Variants in TTN observed in about 807,000 individuals in gnomAD.
TTN encodes the protein connectin.
Under a neutral mutation model 3,223.0 loss-of-function variants are expected in TTN, and 1,525 were observed. The ratio of observed to expected loss-of-function variants is 0.47; its 90% CI spans 0.45 to 0.49. The LOEUF is 0.49. Among genes scored for constraint, TTN ranks in the 20% least tolerant of loss-of-function variants. The probability of loss-of-function intolerance (pLI) is 0.00; values close to 1 mark genes in which losing one functional copy is unlikely to be tolerated. For missense variants in TTN, 40,786 were observed against 43,424.0 expected (o/e 0.94, Z 5.40); for synonymous variants, 14,094 against 15,161.0 (o/e 0.93, Z 5.17).
intron 69 of TTN, chr2:178,726,623 G>A (rs1309366670): frequency 6.5e-6 from 1 of 152,954 alleles, no homozygotes; most frequent in African/African-American, 2.4e-5. Context: ...AGGATAGGAA[G>A]TGATCCTTGA....
At chr2:178,714,250 G>A in intron 91 of TTN, 42 bp downstream of exon 91, 2 of 1,600,498 alleles carry the variant, frequency 1.2e-6, no homozygotes, top group East Asian at 2.2e-5. Context: ...ATCCTGGTGA[G>A]TGTGTGCCTT....
intron 223 of TTN, among the ~76,000 whole-genome samples, chr2:178,638,265 A>G (rs1418663323): frequency 1.4e-4 from 21 of 151,520 alleles, no homozygotes; most frequent in Admixed American, 1.4e-3. Context: ...GTCATTAAAC[A>G]TGGTAATGTC....
At chr2:178,773,797 G>A (rs2091871331) in intron 31 of TTN, 41 bp downstream of exon 31, 1 of 1,613,928 alleles carries the variant, frequency 6.2e-7, no homozygotes, top group South Asian at 1.1e-5. Context: ...TCTTTATGTT[G>A]CTTAATAGTG....
In TTN at chr2:178,751,252, C is replaced by G; in HGVS notation, c.11311+1872G>C. ...AAGACGTATCTAAAAGAGATAATTTCTTTTTCTCCATTAATGTTTTTCTAG... is the reference window on the plus strand; with the variant it reads ...AAGACGTATCTAAAAGAGATAATTTGTTTTTCTCCATTAATGTTTTTCTAG... On this transcript the variant is annotated intron_variant, in intron 47 of 362. Transcript: ENST00000589042. 1 of 1,608,200 alleles carries G rather than the reference C, an allele frequency of 6.2e-7. No homozygotes were observed. The highest frequency in any genetic ancestry group is 8.5e-7 in the Non-Finnish European group (1 of 1,177,954).
In TTN at chr2:178,616,596, A is replaced by G; in HGVS notation, c.48195T>C (p.Gly16065=). 1 of 1,612,296 alleles carries G rather than the reference A, an allele frequency of 6.2e-7. No individual in the cohort carries two copies. The highest frequency in any genetic ancestry group is 8.5e-7 in the Non-Finnish European group (1 of 1,178,990). ...RPSAPKELKF[G]DITKDSVHLT... ...AATGTACTGAGTCCTTGGTTATATC[A>G]CCAAATTTCAATTCTTTGGGTGCAC... Residue 16065 remains glycine (G), a synonymous_variant, in exon 257 of 363, where the codon GGT becomes GGC. Coordinates refer to ENST00000589042, the MANE Select transcript of TTN (RefSeq NM_001267550.2).
Position 178,538,659 on chromosome 2 carries a change from T to G in TTN, c.99170A>C (p.Gln33057Pro), listed in dbSNP as rs1177530238. The G allele has an allele frequency of 1.2e-6, 2 of 1,613,794 alleles. No individual in the cohort carries two copies. The highest frequency in any genetic ancestry group is 1.7e-5 in the Admixed American group (1 of 60,012). ...TTCCAGCAAACCTCCTATTGTGAAT[T>G]GCTTGTCCTTAATACGTTCCTTATT... is the stretch of plus-strand genomic sequence containing the variant. ...KSNKERIKDK[Q>P]FTIGGLLEAT... The change falls in exon 354 of 363, where the codon CAA (glutamine) becomes CCA (proline). Residue 33057 changes from glutamine to proline, a missense_variant. Coordinates refer to ENST00000589042, the MANE Select transcript of TTN (RefSeq NM_001267550.2).
In TTN at chr2:178,621,124, T is replaced by A. The variant is rs368632402; in HGVS notation, c.45594A>T (p.Ala15198=). The part of the protein sequence containing the change: ...TYVVMVGAAR[A]AAHLTVIEKL... ...TACCAATGACTGTCAAGTGAGCTGC[T>A]GCTCTGGCGGCCCCTACCATGACAA... The change falls in exon 246 of 363, where the codon GCA becomes GCT. Residue 15198 remains alanine, a synonymous_variant. Coordinates refer to ENST00000589042, the MANE Select transcript of TTN (RefSeq NM_001267550.2). 34 of 1,612,410 alleles carry A rather than the reference T, an allele frequency of 2.1e-5. No individual in the cohort carries two copies. Among genetic ancestry groups the A allele is most frequent in the Non-Finnish European group, 2.9e-5 (34 of 1,179,258 alleles).
At position 178,685,290 on chromosome 2, in the gene TTN, T is replaced by G; in HGVS notation, c.32433A>C (p.Lys10811Asn). The change falls in exon 129 of 363, where the codon AAA (lysine) becomes AAC (asparagine). Residue 10811 changes from lysine to asparagine, a missense_variant. Coordinates refer to ENST00000589042, the MANE Select transcript of TTN (RefSeq NM_001267550.2). ...RQEKKIVLKP[K>N]IPAKIEEPPP... Reference sequence around the variant, plus strand: ...GAGGCTCCTCTATTTTAGCAGGAATTTTTGGTTTCAGTACAATTTTCTTCT... The same window carrying G: ...GAGGCTCCTCTATTTTAGCAGGAATGTTTGGTTTCAGTACAATTTTCTTCT... 1 of 1,552,906 alleles carries G rather than the reference T, an allele frequency of 6.4e-7. No individual in the cohort carries two copies. The highest frequency in any genetic ancestry group is 8.7e-7 in the Non-Finnish European group (1 of 1,147,802).
chr2:178,705,776 GA>G (rs1301682130), intron 102 of TTN, among the ~76,000 whole-genome samples: 1 of 152,058 alleles, frequency 6.6e-6, no homozygotes, highest in Non-Finnish European at 1.5e-5. Context: ...TAATTATGTT[GA>G]AAAATGAACC....
At chr2:178,639,607 A>T in intron 223 of TTN, 92 bp downstream of exon 223, 1 of 1,275,650 alleles carries the variant, frequency 7.8e-7, no homozygotes, top group Non-Finnish European at 1.1e-6. Context: ...CCTATGTTGC[A>T]GCATAAACAG....
intron 33 of TTN, 141 bp downstream of exon 33, chr2:178,772,968 T>C (rs1574607399): frequency 9.6e-7 from 1 of 1,042,168 alleles, no homozygotes; most frequent in East Asian, 2.6e-5. Context: ...GGAATGGTGT[T>C]GCAAGTACTA....
Position 178,634,054 on chromosome 2 carries a change from C to T in TTN, c.42445G>A (p.Glu14149Lys). 2 of 1,612,998 alleles carry T rather than the reference C, an allele frequency of 1.2e-6. No individual in the cohort carries two copies. The highest frequency in any genetic ancestry group is 1.3e-5 in the African/African-American group (1 of 74,960). Reference sequence around the variant, plus strand: ...TCACCTTCTTTTACTGTTTGATCTTCAAGAGGTGACATGAATTTCAGTCTT... The same window carrying T: ...TCACCTTCTTTTACTGTTTGATCTTTAAGAGGTGACATGAATTTCAGTCTT... ...GIRLKFMSPL[E>K]DQTVKEGETA... The change falls in exon 231 of 363, where the codon GAA (glutamate) becomes AAA (lysine). Residue 14149 changes from glutamate (E) to lysine (K), a missense_variant. Coordinates refer to ENST00000589042, the MANE Select transcript of TTN (RefSeq NM_001267550.2). This position sits in a 1 kb window ranked among gnomAD's most constrained non-coding sequence, Gnocchi z 4.6.
At chr2:178,691,875 C>A (rs1379451902) in intron 121 of TTN, 141 bp downstream of exon 121, 2 of 577,128 alleles carry the variant, frequency 3.5e-6, no homozygotes, top group African/African-American at 1.9e-5. Context: ...GAGCATGGCA[C>A]GGAAGCTGAC....
At chr2:178,676,095 G>A (rs1051182248) in intron 147 of TTN, 100 bp from the exon 148 acceptor site, 66 of 1,087,184 alleles carry the variant, frequency 6.1e-5, no homozygotes, top group African/African-American at 5.3e-4. Context: ...GTTAACAGTC[G>A]CTCAAGACAG....
chr2:178,745,086 T>C (rs1419170678), intron 47 of TTN: 2 of 987,952 alleles, frequency 2.0e-6, no homozygotes, highest in African/African-American at 1.7e-5. Flanking sequence ...TTTTGCCTAT[T>C]CTAAGTCAAA....
In TTN at chr2:178,541,404, C is replaced by T. The variant is rs369237346; in HGVS notation, c.97673G>A (p.Arg32558Gln). The T allele has an allele frequency of 1.2e-4, 197 of 1,612,514 alleles. No individual in the cohort carries two copies. The highest frequency in any genetic ancestry group is 4.1e-4 in the South Asian group (37 of 90,768). ...RVNKVPVTMT[R>Q]YRSTGLTEGL... is the part of the protein sequence containing the mutation. The stretch of plus-strand genomic sequence containing the variant: ...TTCAGTAAGGCCAGTGGAGCGGTAC[C>T]GTGTCATTGTCACAGGTACTTTATT... Residue 32558 changes from arginine (R) to glutamine (Q), a missense_variant, in exon 350 of 363, where the codon CGG becomes CAG. Coordinates refer to ENST00000589042, the MANE Select transcript of TTN (RefSeq NM_001267550.2).
At position 178,569,280 on chromosome 2, in the gene TTN, C is replaced by T; in HGVS notation, c.76852G>A (p.Val25618Ile). ...AAAGGAGGTTCCCATGTAATTGATA[C>T]TGAGTCTTTGGTGATTTCTGTGACT... ...LKVTEITKDS[V>I]SITWEPPLLD... The change falls in exon 326 of 363, where the codon GTA becomes ATA. Residue 25618 changes from valine (V) to isoleucine (I), a missense_variant. Physicochemically the swap from Val to Ile is conservative, Grantham distance 29 (BLOSUM62 3). Transcript: ENST00000589042. 1 of 1,609,264 alleles carries T rather than the reference C, an allele frequency of 6.2e-7. No homozygotes were observed. The highest frequency in any genetic ancestry group is 8.5e-7 in the Non-Finnish European group (1 of 1,177,190).
At position 178,607,962 on chromosome 2, in the gene TTN, G is replaced by C. The variant is rs777990934; in HGVS notation, c.52825C>G (p.Gln17609Glu). ...GACCATTCATTTGTGCCAACCAACT[G>C]CTTATCAACAAAATAGCCAACAATT... ...GEIVGYFVDK[Q>E]LVGTNEWSRC... Residue 17609 changes from glutamine to glutamate, a missense_variant, in exon 276 of 363, where the codon CAG (glutamine) becomes GAG (glutamate). Gln to Glu is a conservative substitution (Grantham distance 29). Transcript: ENST00000589042. 2 of 1,612,918 alleles carry C rather than the reference G, an allele frequency of 1.2e-6. No individual in the cohort carries two copies. The highest frequency in any genetic ancestry group is 3.3e-5 in the Admixed American group (2 of 59,936).
In TTN at chr2:178,719,428, T is replaced by C; in HGVS notation, c.23962A>G (p.Ile7988Val). 1.2e-6 allele frequency: 2 copies of C among 1,612,852 alleles called. No homozygotes were observed. Among genetic ancestry groups the C allele is most frequent in the Non-Finnish European group, 1.7e-6 (2 of 1,179,084 alleles). ...VSDRIVPPSF[I>V]RKLKDVNAIL... ...GCATTCACGTCTTTCAGCTTGCGGATGAAGGAAGGAGGCACAATCCGATCT... is the reference window on the plus strand; with the variant it reads ...GCATTCACGTCTTTCAGCTTGCGGACGAAGGAAGGAGGCACAATCCGATCT... Residue 7988 changes from isoleucine (I) to valine (V), a missense_variant, in exon 83 of 363, where the codon ATC (isoleucine) becomes GTC (valine). By Grantham distance (29) the Ile-to-Val change is conservative. Transcript: ENST00000589042.
Sources: allele counts gnomAD v4.1 joint callset (sites outside exome capture counted in the v4.1 genomes callset), GRCh38; gene constraint gnomAD v4.1.1; non-coding constraint Gnocchi (gnomAD v3.1); transcripts MANE v1.5; gene names NCBI Gene and HGNC (gene_info 2026-07-23, HGNC 2026-07-21).